KIAA1549L: variants seen among roughly 807,000 people sequenced by gnomAD.
KIAA1549L encodes the protein UPF0606 protein KIAA1549L.
In KIAA1549L, 88 loss-of-function variants were observed where a neutral mutation model predicts 160.7. The observed-to-expected ratio is 0.55, with a 90% CI of 0.46 to 0.65. The LOEUF (loss-of-function observed/expected upper bound fraction) is 0.65, where lower values mean the gene tolerates loss of function less well. KIAA1549L is among the 30% of genes least tolerant of loss of function. The pLI, the probability that KIAA1549L is intolerant of heterozygous loss-of-function variation, is 0.00. For synonymous variants in KIAA1549L, 950 were observed against 976.7 expected, an observed-to-expected ratio of 0.97 and a Z score of 0.51; for missense variants, 2,258 against 2,437.5, an observed-to-expected ratio of 0.93 and a Z score of 1.55.
At chr11:33,539,997 G>A (rs1016806422) in intron 1 of KIAA1549L, among the ~76,000 whole-genome samples, 1 of 152,212 alleles carries the variant, frequency 6.6e-6, no homozygotes, top group Non-Finnish European at 1.5e-5. Flanking sequence ...TTCTAGTGTG[G>A]AAAACAACAA....
chr11:33,572,039 CTT>C (rs144288511), intron 9 of KIAA1549L, among the ~76,000 whole-genome samples: 115 of 144,022 alleles, frequency 8.0e-4, no homozygotes, highest in African/African-American at 2.2e-3. Flanking sequence ...TTATTATGAA[CTT>C]TTTTTTTTTT....
At chr11:33,581,022 A>C (rs546785888) in intron 10 of KIAA1549L, among the ~76,000 whole-genome samples, 8 of 152,266 alleles carry the variant, frequency 5.3e-5, no homozygotes, top group African/African-American at 1.9e-4. Flanking sequence ...AGGCAGGGAG[A>C]AGACAGTCTG....
At chr11:33,566,047 C>G (rs1010453051) in intron 8 of KIAA1549L, among the ~76,000 whole-genome samples, 1 of 152,080 alleles carries the variant, frequency 6.6e-6, no homozygotes, top group African/African-American at 2.4e-5. Flanking sequence ...GTAAAATATA[C>G]CTAACATAAA....
Position 33,545,308 on chromosome 11 carries a change from A to G in KIAA1549L, c.3315A>G (p.Ala1105=), listed in dbSNP as rs1183206161. 6.2e-7 allele frequency: 1 copy of G among 1,613,758 alleles called. No homozygotes were observed. Among genetic ancestry groups the G allele is most frequent in the Non-Finnish European group, 8.5e-7 (1 of 1,179,822 alleles). Residue 1105 remains alanine, a synonymous_variant, in exon 3 of 21, where the codon GCA becomes GCG. Coordinates refer to ENST00000658780, the MANE Select transcript of KIAA1549L (RefSeq NM_012194.3). ...TDAVLPAASA[A]VVTTGKMASN... is the part of the protein sequence containing the mutation. Reference sequence around the variant, plus strand: ...CTGTCCTTCCTGCTGCATCGGCTGCAGTGGTCACGACTGGCAAAATGGCAT... The same window carrying G: ...CTGTCCTTCCTGCTGCATCGGCTGCGGTGGTCACGACTGGCAAAATGGCAT...
Position 33,437,074 on chromosome 11 carries a change from G to A in KIAA1549L, c.238+60185G>A, listed in dbSNP as rs567915857. ...TAGTTATAGCTGTCTCATCTTGTCAGCATTATAATTTGTATTTGTAATATT... is the reference window on the plus strand; with the variant it reads ...TAGTTATAGCTGTCTCATCTTGTCAACATTATAATTTGTATTTGTAATATT... On this transcript the variant is annotated intron_variant, in intron 1 of 20. Transcript: ENST00000658780. 2.4e-4 allele frequency among the ~76,000 whole-genome samples: 36 copies of A among 152,272 alleles called. No homozygotes were observed. The South Asian group carries it at 7.5e-3, about 32-fold the overall frequency.
intron 1 of KIAA1549L, among the ~76,000 whole-genome samples, chr11:33,422,292 A>T (rs535196646): frequency 6.6e-6 from 1 of 152,112 alleles, no homozygotes; most frequent in Non-Finnish European, 1.5e-5. Context: ...TAAAACAACC[A>T]CTGCCCTGTG....
chr11:33,465,955 C>T (rs1352537928), intron 1 of KIAA1549L, among the ~76,000 whole-genome samples: 23 of 152,172 alleles, frequency 1.5e-4, no homozygotes, highest in African/African-American at 5.1e-4. Flanking sequence ...ATGACTAAAA[C>T]GCCAAAAGCA....
chr11:33,596,893 A>G (rs1194285564), intron 12 of KIAA1549L, among the ~76,000 whole-genome samples: 7 of 152,292 alleles, frequency 4.6e-5, no homozygotes, highest in Non-Finnish European at 7.4e-5. Flanking sequence ...TCCAGAAACA[A>G]TCTAGGGGTG....
intron 1 of KIAA1549L, among the ~76,000 whole-genome samples, chr11:33,447,569 T>C (rs1297639302): frequency 7.1e-6 from 1 of 139,880 alleles, no homozygotes; most frequent in Non-Finnish European, 1.5e-5. Flanking sequence ...CATCCATCCA[T>C]CCATCCCACC....
intron 14 of KIAA1549L, among the ~76,000 whole-genome samples, chr11:33,607,886 A>C (rs981464582): frequency 3.4e-4 from 52 of 152,214 alleles, no homozygotes; most frequent in Non-Finnish European, 1.2e-4. Flanking sequence ...ATTTAAAAAA[A>C]ATAACTGGTT....
chr11:33,450,773 T>C (rs532279832), intron 1 of KIAA1549L: 1 of 152,418 alleles, frequency 6.6e-6, no homozygotes, highest in Admixed American at 6.5e-5. Context: ...CTAAACTTCA[T>C]GAACACTGTA....
At chr11:33,568,281 G>T (rs1456185238) in intron 9 of KIAA1549L, 54 bp downstream of exon 9, 1 of 1,523,308 alleles carries the variant, frequency 6.6e-7, no homozygotes, top group South Asian at 1.2e-5. Flanking sequence ...TAGAGGGGGG[G>T]ATGTGCTTCC....
intron 4 of KIAA1549L, among the ~76,000 whole-genome samples, chr11:33,549,769 C>T (rs1297912500): frequency 1.3e-5 from 2 of 152,050 alleles, no homozygotes; most frequent in Admixed American, 6.6e-5. Context: ...TTTGGGAGGC[C>T]GAGGTGGGAG....
At chr11:33,534,239 C>T (rs373516689) in intron 1 of KIAA1549L, among the ~76,000 whole-genome samples, 3 of 151,702 alleles carry the variant, frequency 2.0e-5, no homozygotes, top group African/African-American at 7.3e-5. Flanking sequence ...CCCACCACCA[C>T]GCCCAGCTAA....
At position 33,645,898 on chromosome 11, in the gene KIAA1549L, G is replaced by A. The variant is rs1180274352; in HGVS notation, c.5622G>A (p.Glu1874=). Residue 1874 remains glutamate (E), a synonymous_variant, in exon 17 of 21, where the codon GAG becomes GAA. Transcript: ENST00000658780. ...AGHAGQSRHQ[E]AYGSAQHLPY... Reference sequence around the variant, plus strand: ...ACGCAGGCCAGAGCCGGCACCAAGAGGCCTACGGCTCAGCCCAGCACCTGC... The same window carrying A: ...ACGCAGGCCAGAGCCGGCACCAAGAAGCCTACGGCTCAGCCCAGCACCTGC... The A allele has an allele frequency of 3.7e-5, 59 of 1,613,546 alleles. No individual in the cohort carries two copies. The highest frequency in any genetic ancestry group is 4.7e-5 in the Non-Finnish European group (56 of 1,179,778).
At chr11:33,390,059 G>C (rs566474358) in intron 1 of KIAA1549L, among the ~76,000 whole-genome samples, 3 of 152,242 alleles carry the variant, frequency 2.0e-5, no homozygotes, top group Non-Finnish European at 4.4e-5. Context: ...AGCATTTACT[G>C]TTTGTATCAG....
intron 1 of KIAA1549L, among the ~76,000 whole-genome samples, chr11:33,430,008 T>C (rs921729357): frequency 2.2e-5 from 3 of 138,804 alleles, no homozygotes; most frequent in Admixed American, 7.3e-5. Context: ...TGCTCTGCCC[T>C]CCCTTCCTTC....
At chr11:33,403,378 C>CACAG (rs1565122031) in intron 1 of KIAA1549L, 5 of 146,964 alleles carry the variant, frequency 3.4e-5, no homozygotes, top group East Asian at 2.0e-4. Context: ...TGCAGACAGA[C>CACAG]ACATACAGGG....
In KIAA1549L at chr11:33,499,859, AC is replaced by A. The variant is rs374209739; in HGVS notation, c.239-41942del. On this transcript the variant is annotated intron_variant, in intron 1 of 20. Coordinates refer to ENST00000658780, the MANE Select transcript of KIAA1549L (RefSeq NM_012194.3). ...GGGTAGAGTGAGAAAGAAATGGAAAACATGGTCCTGGCCATTAGATAAGTTC... is the reference window on the plus strand; with the variant it reads ...GGGTAGAGTGAGAAAGAAATGGAAAAATGGTCCTGGCCATTAGATAAGTTC... Among the ~76,000 whole-genome samples the A allele has an allele frequency of 1.4e-4, 22 of 152,292 alleles. No homozygotes were observed. In the East Asian group the frequency reaches 3.5e-3, roughly 24 times the overall value.
Sources: gnomAD v4.1 joint callset for allele counts (sites outside exome capture counted in the v4.1 genomes callset) on GRCh38, gnomAD v4.1.1 for gene constraint, MANE v1.5 for transcripts, NCBI Gene and HGNC (gene_info 2026-07-23, HGNC 2026-07-21) for gene names.